The following CSMD1 variants were observed in gnomAD, a reference collection of about 807,000 sequenced individuals.
The protein encoded by CSMD1 is CUB and Sushi multiple domains 1, also known as CUB and sushi domain-containing protein 1.
Under a neutral mutation model 417.5 loss-of-function variants are expected in CSMD1, and 213 were observed. The observed-to-expected ratio is 0.51, with a 90% CI of 0.46 to 0.57. The LOEUF is 0.57. Ranked by LOEUF, CSMD1 falls within the 20% of genes least tolerant of loss-of-function variation. The pLI is 0.00. For synonymous variants in CSMD1, 2,862 were observed against 1,736.8 expected, an observed-to-expected ratio of 1.65 and a Z score of -16.11; for missense variants, 6,923 against 4,529.7, an observed-to-expected ratio of 1.53 and a Z score of -15.17.
chr8:3,793,432 T>C (rs1187709809), intron 5 of CSMD1, among the ~76,000 whole-genome samples: 3 of 152,126 alleles, frequency 2.0e-5, no homozygotes, highest in Non-Finnish European at 2.9e-5. Context: ...CCACTGTCTC[T>C]GCAAGAACTC....
At chr8:4,397,143 A>G (rs750964692) in intron 3 of CSMD1, among the ~76,000 whole-genome samples, 42 of 152,224 alleles carry the variant, frequency 2.8e-4, no homozygotes, top group African/African-American at 8.9e-4. Context: ...TGGTCGAGCA[A>G]TCACTCTCAT....
intron 3 of CSMD1, among the ~76,000 whole-genome samples, chr8:4,124,782 G>T (rs570871760): frequency 6.6e-6 from 1 of 152,108 alleles, no homozygotes; most frequent in African/African-American, 2.4e-5. Context: ...CATATAGGAA[G>T]TTTAAGCTCT....
chr8:4,039,558 G>A (rs1034025340), intron 3 of CSMD1, among the ~76,000 whole-genome samples: 1 of 152,154 alleles, frequency 6.6e-6, no homozygotes, highest in African/African-American at 2.4e-5. Context: ...GACCTCCCAG[G>A]AGGTGGCAGT....
rs1054329194 is a variant in CSMD1 at position 3,594,902 on chromosome 8, T to C, written c.1098-8642A>G. On this transcript the variant is annotated intron_variant, in intron 8 of 69. Coordinates refer to ENST00000635120, the MANE Select transcript of CSMD1 (RefSeq NM_033225.6). ...CTGCAATAAATACCTTTGGAACTAA[T>C]GTGAGCAAAAACCAGGAGGCAGAAG... Among the ~76,000 whole-genome samples the C allele has an allele frequency of 4.6e-5, 7 of 152,070 alleles. No individual in the cohort carries two copies. In the South Asian group the frequency reaches 1.2e-3, roughly 27 times the overall value.
intron 42 of CSMD1, among the ~76,000 whole-genome samples, chr8:3,111,008 AATGG>A (rs1207456486): frequency 1.3e-5 from 2 of 152,212 alleles, no homozygotes; most frequent in African/African-American, 4.8e-5. Flanking sequence ...TCCAAACACT[AATGG>A]AATAACCTGA....
intron 3 of CSMD1, among the ~76,000 whole-genome samples, chr8:4,394,935 C>G (rs751066552): frequency 6.6e-6 from 1 of 152,194 alleles, no homozygotes; most frequent in Admixed American, 6.5e-5. Flanking sequence ...AATCTCAACT[C>G]ACAGCTCAAG....
chr8:3,330,294 G>A (rs1225013785), intron 23 of CSMD1, among the ~76,000 whole-genome samples: 1 of 152,198 alleles, frequency 6.6e-6, no homozygotes, highest in Non-Finnish European at 1.5e-5. Flanking sequence ...ACATACTCAT[G>A]CATATGTTCG....
At chr8:4,381,252 T>G (rs1374096075) in intron 3 of CSMD1, among the ~76,000 whole-genome samples, 5 of 151,882 alleles carry the variant, frequency 3.3e-5, no homozygotes, top group Non-Finnish European at 7.4e-5. Context: ...AGCATCTGAG[T>G]GAGGAATAAA....
intron 23 of CSMD1, among the ~76,000 whole-genome samples, chr8:3,312,579 GT>G (rs1208538129): frequency 6.6e-6 from 1 of 152,138 alleles, no homozygotes; most frequent in African/African-American, 2.4e-5. Flanking sequence ...TTCACACACA[GT>G]TGCTGGGAGA....
rs371227946 is a variant in CSMD1 at position 4,269,656 on chromosome 8, T to G, written c.415+150297A>C. On this transcript the variant is annotated intron_variant, in intron 3 of 69. Coordinates refer to ENST00000635120, the MANE Select transcript of CSMD1 (RefSeq NM_033225.6). The stretch of plus-strand genomic sequence containing the variant: ...AATATCACACATGACTTTATCAGGT[T>G]GCCTGATCCAAAATAAAATTTTTTG... Among the ~76,000 whole-genome samples, 132 of 152,318 alleles carry G rather than the reference T, an allele frequency of 8.7e-4. 3 individuals carry two copies. In the South Asian group the frequency reaches 0.026, roughly 30 times the overall value.
At chr8:3,463,148 G>A (rs1816613575) in intron 12 of CSMD1, among the ~76,000 whole-genome samples, 1 of 152,086 alleles carries the variant, frequency 6.6e-6, no homozygotes, top group African/African-American at 2.4e-5. Flanking sequence ...TTCTGTTACG[G>A]CAACCTGAAT....
intron 5 of CSMD1, among the ~76,000 whole-genome samples, chr8:3,846,804 G>C (rs1173566750): frequency 2.0e-5 from 3 of 152,018 alleles, no homozygotes; most frequent in Non-Finnish European, 2.9e-5. Context: ...CTCCCAAGTA[G>C]CTGGGATTAC....
rs1585058879 is a variant in CSMD1 at position 3,973,773 on chromosome 8, T to C, written c.818+24130A>G. Among the ~76,000 whole-genome samples, 5 of 152,200 alleles carry C rather than the reference T, an allele frequency of 3.3e-5. 1 individual carries two copies. The South Asian group carries it at 6.2e-4, about 19-fold the overall frequency. The stretch of plus-strand genomic sequence containing the variant: ...ATGCAAACCAACCAGTGTTTCATTA[T>C]TTGAGACACAGTATCTATTTCTCAG... On this transcript the variant is annotated intron_variant, in intron 5 of 69. Coordinates refer to ENST00000635120, the MANE Select transcript of CSMD1 (RefSeq NM_033225.6).
intron 1 of CSMD1, among the ~76,000 whole-genome samples, chr8:4,715,388 T>C (rs1047750388): frequency 8.5e-5 from 13 of 152,338 alleles, no homozygotes; most frequent in Admixed American, 3.9e-4. Flanking sequence ...GAATATAATA[T>C]AAACATGTAA....
chr8:3,798,170 A>G (rs1017306655), intron 5 of CSMD1, among the ~76,000 whole-genome samples: 1 of 152,020 alleles, frequency 6.6e-6, no homozygotes, highest in Non-Finnish European at 1.5e-5. Context: ...CTTTTATTAG[A>G]TAAAACAATT....
At chr8:4,344,406 C>T (rs1474945074) in intron 3 of CSMD1, among the ~76,000 whole-genome samples, 2 of 152,058 alleles carry the variant, frequency 1.3e-5, no homozygotes, top group East Asian at 3.9e-4. Context: ...CTACTATCTT[C>T]TGTTGAGCAA....
chr8:3,776,585 C>A (rs889818569), intron 5 of CSMD1, among the ~76,000 whole-genome samples: 1 of 152,116 alleles, frequency 6.6e-6, no homozygotes, highest in Non-Finnish European at 1.5e-5. Context: ...CTTCTTCCTA[C>A]GGGACTTTTG....
At chr8:4,725,417 ATTAT>A (rs1396335992) in intron 1 of CSMD1, among the ~76,000 whole-genome samples, 1 of 152,166 alleles carries the variant, frequency 6.6e-6, no homozygotes, top group African/African-American at 2.4e-5. Flanking sequence ...AACAAAGTAG[ATTAT>A]TTATGGTTGT....
rs1400192870 is a variant in CSMD1, at chr8:2,957,746, C to G, written c.9764G>C (p.Arg3255Pro). The G allele has an allele frequency of 6.3e-7, 1 of 1,599,664 alleles. No individual in the cohort carries two copies. The highest frequency in any genetic ancestry group is 8.5e-7 in the Non-Finnish European group (1 of 1,172,488). The change falls in exon 63 of 70, where the codon CGC becomes CCC. Residue 3255 changes from arginine to proline, a missense_variant. By Grantham distance (103) the Arg-to-Pro change is moderately radical. Coordinates refer to ENST00000635120, the MANE Select transcript of CSMD1 (RefSeq NM_033225.6). The part of the protein sequence containing the change: ...KGYHIQGSTT[R>P]TCLANLTWSG... ...CCATGTTAAATTGGCAAGGCAGGTGCGAGTCGTGGAACCTTGAATATGGTA... is the reference window on the plus strand; with the variant it reads ...CCATGTTAAATTGGCAAGGCAGGTGGGAGTCGTGGAACCTTGAATATGGTA...
Sources: allele counts gnomAD v4.1 joint callset (sites outside exome capture counted in the v4.1 genomes callset), GRCh38; gene constraint gnomAD v4.1.1; transcripts MANE v1.5; gene names NCBI Gene and HGNC (gene_info 2026-07-23, HGNC 2026-07-21).